ARIH1: variants seen among roughly 807,000 people sequenced by gnomAD.
The protein encoded by ARIH1 is E3 ubiquitin-protein ligase ARIH1.
In ARIH1, 8 loss-of-function variants were observed where a neutral mutation model predicts 85.0. That is an observed-to-expected ratio of 0.09 (90% CI 0.06 to 0.17). The LOEUF (loss-of-function observed/expected upper bound fraction) is 0.17, where lower values mean the gene tolerates loss of function less well. Ranked by LOEUF, ARIH1 falls within the 10% of genes least tolerant of loss-of-function variation. The pLI is 1.00. For synonymous variants in ARIH1, 238 were observed against 253.6 expected, an observed-to-expected ratio of 0.94 and a Z score of 0.59; for missense variants, 311 against 718.1, an observed-to-expected ratio of 0.43 and a Z score of 6.48.
At chr15:72,540,939 G>C (rs1173378324) in intron 2 of ARIH1, among the ~76,000 whole-genome samples, 1 of 152,170 alleles carries the variant, frequency 6.6e-6, no homozygotes, top group African/African-American at 2.4e-5. Flanking sequence ...GATAGTAAAA[G>C]TGTTGATGTG....
intron 11 of ARIH1, chr15:72,572,384 C>T (rs546256401): frequency 5.8e-5 from 22 of 376,250 alleles, no homozygotes; most frequent in African/African-American, 1.1e-4. Flanking sequence ...ATTACAGGTG[C>T]GCGCCACCAC....
At chr15:72,492,205 A>G (rs1190971679) in intron 1 of ARIH1, among the ~76,000 whole-genome samples, 2 of 152,222 alleles carry the variant, frequency 1.3e-5, no homozygotes, top group African/African-American at 4.8e-5. Flanking sequence ...ATTCTCGACC[A>G]AAGTAATAGA....
chr15:72,497,970 A>G (rs1222808870), intron 1 of ARIH1, among the ~76,000 whole-genome samples: 1 of 152,200 alleles, frequency 6.6e-6, no homozygotes, highest in Non-Finnish European at 1.5e-5. Context: ...ATAATATACC[A>G]TAGTAGGGAT....
chr15:72,566,696 C>A, intron 8 of ARIH1, 91 bp downstream of exon 8: 2 of 1,127,792 alleles, frequency 1.8e-6, no homozygotes, highest in Non-Finnish European at 2.6e-6. Context: ...TGTTATCTAT[C>A]TATTGATAGA....
chr15:72,509,441 C>T (rs902350017), intron 1 of ARIH1, among the ~76,000 whole-genome samples: 1 of 152,102 alleles, frequency 6.6e-6, no homozygotes. Flanking sequence ...TTGTGTAAAC[C>T]ACCACCATAG....
chr15:72,486,950 C>T (rs1292240467), intron 1 of ARIH1, among the ~76,000 whole-genome samples: 1 of 151,998 alleles, frequency 6.6e-6, no homozygotes, highest in Non-Finnish European at 1.5e-5. Context: ...CCTCCTCAGC[C>T]TCCCAAAGTG....
intron 3 of ARIH1, among the ~76,000 whole-genome samples, chr15:72,546,996 C>T (rs1013990355): frequency 2.6e-5 from 4 of 151,376 alleles, no homozygotes; most frequent in African/African-American, 4.9e-5. Context: ...GGTGCGATCT[C>T]GGCTCACTGC....
At chr15:72,544,315 T>C (rs1049288509) in intron 2 of ARIH1, among the ~76,000 whole-genome samples, 1 of 152,194 alleles carries the variant, frequency 6.6e-6, no homozygotes, top group African/African-American at 2.4e-5. Context: ...GAAGCTAATA[T>C]GTTTAAATTG....
At chr15:72,489,711 C>A (rs1428891625) in intron 1 of ARIH1, among the ~76,000 whole-genome samples, 1 of 152,098 alleles carries the variant, frequency 6.6e-6, no homozygotes, top group Non-Finnish European at 1.5e-5. Context: ...CTGGACCTAC[C>A]CTGGGCAGGT....
At chr15:72,539,680 C>T (rs930044429) in intron 2 of ARIH1, among the ~76,000 whole-genome samples, 1 of 152,060 alleles carries the variant, frequency 6.6e-6, no homozygotes, top group Non-Finnish European at 1.5e-5. Flanking sequence ...AATGACATTT[C>T]AAAAGAGAAA....
rs1331572672 is a variant in ARIH1, at chr15:72,561,001, AG to A, written c.738-480del. ...ATTTCTAAGAGCTCTCAGAAGAAGA[AG>A]GCTCTTAAAATTGTATCAGCTTTAG... On this transcript the variant is annotated intron_variant, in intron 5 of 13. Coordinates refer to ENST00000379887, the MANE Select transcript of ARIH1 (RefSeq NM_005744.5). Among the ~76,000 whole-genome samples the A allele has an allele frequency of 2.6e-5, 4 of 152,218 alleles. No individual in the cohort carries two copies. In the East Asian group the frequency reaches 5.8e-4, roughly 22 times the overall value.
chr15:72,509,136 G>A (rs1246602564), intron 1 of ARIH1, among the ~76,000 whole-genome samples: 1 of 151,630 alleles, frequency 6.6e-6, no homozygotes, highest in Admixed American at 6.6e-5. Context: ...GACTACAGGC[G>A]TGCATCACCA....
chr15:72,481,179 T>C (rs887460202), intron 1 of ARIH1, among the ~76,000 whole-genome samples: 2 of 152,232 alleles, frequency 1.3e-5, no homozygotes, highest in Admixed American at 6.5e-5. Flanking sequence ...CCTTGAGCTG[T>C]AAGTTTAAAT....
At chr15:72,567,386 T>A (rs1224891295) in intron 9 of ARIH1, among the ~76,000 whole-genome samples, 4 of 151,910 alleles carry the variant, frequency 2.6e-5, no homozygotes, top group African/African-American at 9.7e-5. Flanking sequence ...TAGTACAGCA[T>A]CCACAGTTCT....
chr15:72,481,856 G>A (rs1002903730), intron 1 of ARIH1, among the ~76,000 whole-genome samples: 3 of 151,936 alleles, frequency 2.0e-5, no homozygotes, highest in African/African-American at 7.3e-5. Context: ...CTTTTTTGGA[G>A]ACAGAGTCTT....
intron 2 of ARIH1, among the ~76,000 whole-genome samples, chr15:72,529,277 A>G (rs1198548285): frequency 2.0e-5 from 3 of 152,046 alleles, no homozygotes; most frequent in Non-Finnish European, 4.4e-5. Context: ...CTATCTCACT[A>G]TCTCACCTAG....
In ARIH1 at chr15:72,530,312, T is replaced by G. The variant is rs184274985; in HGVS notation, c.443+12178T>G. Among the ~76,000 whole-genome samples the G allele has an allele frequency of 9.7e-4, 147 of 152,326 alleles. 1 individual carries two copies. The highest frequency in any genetic ancestry group is 4.2e-3 in the East Asian group (22 of 5,186). ...ATTTAGAGAAACAAGCTTCCAGTCC[T>G]TGTTGCTCTAGCAGTGTATGTTGAT... On this transcript the variant is annotated intron_variant, in intron 2 of 13. Transcript: ENST00000379887.
chr15:72,510,736 C>CAAAAAAAAAAAAAAAAAAAAAAAAA (rs57834481), intron 1 of ARIH1, among the ~76,000 whole-genome samples: 1 of 26,716 alleles, frequency 3.7e-5, no homozygotes, highest in Non-Finnish European at 7.0e-5. Flanking sequence ...GACTCTGACT[C>CAAAAAAAAAAAAAAAAAAAAAAAAA]AAAAAAAAAA....
intron 8 of ARIH1, 93 bp downstream of exon 8, chr15:72,566,698 A>G (rs2064222556): frequency 1.4e-5 from 15 of 1,096,806 alleles, no homozygotes; most frequent in Non-Finnish European, 1.7e-5. Flanking sequence ...TTATCTATCT[A>G]TTGATAGATT....
Sources: gnomAD v4.1 joint callset for allele counts (sites outside exome capture counted in the v4.1 genomes callset) on GRCh38, gnomAD v4.1.1 for gene constraint, MANE v1.5 for transcripts, NCBI Gene and HGNC (gene_info 2026-07-23, HGNC 2026-07-21) for gene names.